Variants in ZNF608 observed in about 807,000 individuals in gnomAD.
ZNF608 encodes the protein zinc finger protein 608, also known as renal carcinoma antigen NY-REN-36.
A neutral mutation model predicts 109.0 loss-of-function variants in ZNF608; 12 were observed. That is an observed-to-expected ratio of 0.11 (90% CI 0.07 to 0.18). ZNF608 has a LOEUF of 0.18. Among genes scored for constraint, ZNF608 ranks in the 10% least tolerant of loss-of-function variants. The pLI, the probability that ZNF608 is intolerant of heterozygous loss-of-function variation, is 1.00. For synonymous variants in ZNF608, 732 were observed against 717.4 expected (o/e 1.02, Z -0.33); for missense variants, 1,707 against 1,879.3 (o/e 0.91, Z 1.70).
In ZNF608 at chr5:124,647,062, A is replaced by T; in HGVS notation, c.3322T>A (p.Tyr1108Asn). 1.2e-6 allele frequency: 2 copies of T among 1,613,802 alleles called. No homozygotes were observed. Among genetic ancestry groups the T allele is most frequent in the Non-Finnish European group, 1.7e-6 (2 of 1,179,918 alleles). Residue 1108 changes from tyrosine (Y) to asparagine (N), a missense_variant, in exon 5 of 10, where the codon TAC becomes AAC. Tyr to Asn is a moderately radical substitution (Grantham distance 143). Around this residue, in one of 7 missense-constraint regions of ZNF608, gnomAD observed 1,073 missense variants for 1,133.5 expected, o/e 0.95. Coordinates refer to ENST00000513986, the MANE Select transcript of ZNF608 (RefSeq NM_020747.3). ...TCTGCCAGCCTCTGGTCCTCATAGT[A>T]CTTCTCATACTGCTGTCTATAGGCA... ...SPAYRQQYEK[Y>N]YEDQRLAEQK...
chr5:124,698,367 C>A (rs1234019966), intron 3 of ZNF608, among the ~76,000 whole-genome samples: 1 of 152,248 alleles, frequency 6.6e-6, no homozygotes, highest in Non-Finnish European at 1.5e-5. Context: ...AAGATGAGTT[C>A]TTAAATTCTT....
chr5:124,661,634 G>C (rs1313795843), intron 3 of ZNF608, among the ~76,000 whole-genome samples: 1 of 152,190 alleles, frequency 6.6e-6, no homozygotes. Flanking sequence ...GCACTTACTG[G>C]AGCAAAGTCG....
At chr5:124,699,635 G>A (rs1226529969) in intron 3 of ZNF608, among the ~76,000 whole-genome samples, 2 of 151,886 alleles carry the variant, frequency 1.3e-5, no homozygotes, top group South Asian at 2.1e-4. Context: ...ATTTAACTAC[G>A]AAACATATCG....
intron 2 of ZNF608, among the ~76,000 whole-genome samples, chr5:124,741,707 A>C (rs1049712135): frequency 6.6e-6 from 1 of 152,212 alleles, no homozygotes; most frequent in Non-Finnish European, 1.5e-5. Context: ...AATTTGATGC[A>C]ACCACTAGTT....
intron 2 of ZNF608, among the ~76,000 whole-genome samples, chr5:124,708,969 C>G (rs1350568166): frequency 6.6e-6 from 1 of 151,992 alleles, no homozygotes; most frequent in Admixed American, 6.6e-5. Flanking sequence ...GTCAGGAGTT[C>G]AAGACCAGCC....
At chr5:124,664,456 A>T (rs1437534741) in intron 3 of ZNF608, among the ~76,000 whole-genome samples, 1 of 152,220 alleles carries the variant, frequency 6.6e-6, no homozygotes, top group African/African-American at 2.4e-5. Context: ...CATTTTTGTT[A>T]TTGTCCCCAG....
chr5:124,744,944 T>C lies in ZNF608; in HGVS notation c.46A>G (p.Thr16Ala), dbSNP rs1749583877. Residue 16 changes from threonine (T) to alanine (A), a missense_variant, in exon 2 of 10, where the codon ACA (threonine) becomes GCA (alanine). Physicochemically the swap from Thr to Ala is moderately conservative, Grantham distance 58. Transcript: ENST00000513986. The surrounding 1 kb of genome is among the most constrained non-coding windows in gnomAD (Gnocchi z 4.5). ...STAGKGVDPN[T>A]VDTYDSGDDW... is the part of the protein sequence containing the mutation. ...TCGCCACTGTCATAAGTATCAACTGTATTTGGATCCACACCTTTTCCTGCA... is the reference window on the plus strand; with the variant it reads ...TCGCCACTGTCATAAGTATCAACTGCATTTGGATCCACACCTTTTCCTGCA... 1 of 1,613,806 alleles carries C rather than the reference T, an allele frequency of 6.2e-7. No homozygotes were observed. The highest frequency in any genetic ancestry group is 2.2e-5 in the East Asian group (1 of 44,872).
chr5:124,745,246 G>T lies in ZNF608; in HGVS notation c.-183-74C>A. The T allele has an allele frequency of 3.9e-6, 5 of 1,294,794 alleles. No individual in the cohort carries two copies. The South Asian group carries it at 1.0e-4, about 27-fold the overall frequency. 80.2% of individuals were successfully genotyped at this position (1,294,794 alleles called of 1,614,324 possible). A position where few individuals can be genotyped will look rare whatever the true frequency, so the allele number is the denominator to read the frequency against. On this transcript the variant is annotated intron_variant, in intron 1 of 9. Transcript: ENST00000513986. ...AGAATAAAAAACGATTAGTATTGGG[G>T]AATCAGTAAAGGGGACAGGGAAGGA...
At chr5:124,697,527 G>T (rs1752899550) in intron 3 of ZNF608, among the ~76,000 whole-genome samples, 1 of 152,102 alleles carries the variant, frequency 6.6e-6, no homozygotes, top group African/African-American at 2.4e-5. Context: ...AAAGAAAAAA[G>T]ATCAGAGTAG....
intron 3 of ZNF608, among the ~76,000 whole-genome samples, chr5:124,668,206 A>ATATATATATTATATATATATATATTT (rs1561547645): frequency 2.2e-4 from 31 of 144,014 alleles, no homozygotes; most frequent in African/African-American, 7.7e-4. Flanking sequence ...ATATATATAT[A>ATATATATATTATATATATATATATTT]TATATATATA....
rs2149910374 is a variant in ZNF608, at chr5:124,745,288, T to C, written c.-183-116A>G. On this transcript the variant is annotated intron_variant, in intron 1 of 9. Transcript: ENST00000513986. ...AGGGAAGGATGGAGAGTAAGGTGGCTCATGTATTGTCCTCACAGTCCAATA... is the reference window on the plus strand; with the variant it reads ...AGGGAAGGATGGAGAGTAAGGTGGCCCATGTATTGTCCTCACAGTCCAATA... 5 of 897,798 alleles carry C rather than the reference T, an allele frequency of 5.6e-6. No individual in the cohort carries two copies. The Middle Eastern group carries it at 1.3e-3, about 230-fold the overall frequency. The allele number at this position is 897,798 out of a possible 1,614,324, so 55.6% of individuals were successfully genotyped here. A position where few individuals can be genotyped will look rare whatever the true frequency, so the allele number is the denominator to read the frequency against.
At position 124,648,110 on chromosome 5, in the gene ZNF608, T is replaced by C. The variant is rs763108938; in HGVS notation, c.2274A>G (p.Thr758=). 9 of 1,613,132 alleles carry C rather than the reference T, an allele frequency of 5.6e-6. No homozygotes were observed. Among genetic ancestry groups the C allele is most frequent in the Non-Finnish European group, 5.9e-6 (7 of 1,179,864 alleles). The change falls in exon 5 of 10, where the codon ACA becomes ACG. Residue 758 remains threonine, a synonymous_variant. Coordinates refer to ENST00000513986, the MANE Select transcript of ZNF608 (RefSeq NM_020747.3). ...QLIAIPTATF[T]TTTTGTIPGL... is the part of the protein sequence containing the mutation. ...CGGGTATTGTCCCAGTGGTGGTCGT[T>C]GTAAAGGTTGCAGTGGGTATAGCGA... is the stretch of plus-strand genomic sequence containing the variant.
chr5:124,734,681 T>C (rs1329041314), intron 2 of ZNF608: 1 of 152,230 alleles, frequency 6.6e-6, no homozygotes, highest in Non-Finnish European at 1.5e-5. Flanking sequence ...ACCCTTAGAT[T>C]TGTGCCAAGC....
chr5:124,663,620 T>C (rs1237666007), intron 3 of ZNF608, among the ~76,000 whole-genome samples: 1 of 152,210 alleles, frequency 6.6e-6, no homozygotes, highest in Non-Finnish European at 1.5e-5. Flanking sequence ...CTTTGACATT[T>C]AGCCAAAGTA....
At chr5:124,681,296 T>C (rs1175848654) in intron 3 of ZNF608, among the ~76,000 whole-genome samples, 1 of 151,690 alleles carries the variant, frequency 6.6e-6, no homozygotes, top group Non-Finnish European at 1.5e-5. Flanking sequence ...CTAATAAAAA[T>C]ACAAAAAAAA....
intron 3 of ZNF608, among the ~76,000 whole-genome samples, chr5:124,692,054 A>C (rs1288868301): frequency 1.3e-5 from 2 of 152,250 alleles, no homozygotes; most frequent in Non-Finnish European, 2.9e-5. Flanking sequence ...TAATTGAAAA[A>C]TAAAAACCGT....
At position 124,673,026 on chromosome 5, in the gene ZNF608, G is replaced by GA. The variant is rs1406450065; in HGVS notation, c.1163-23330dup. Among the ~76,000 whole-genome samples, 6 of 152,208 alleles carry GA rather than the reference G, an allele frequency of 3.9e-5. No homozygotes were observed. In the East Asian group the frequency reaches 1.2e-3, roughly 29 times the overall value. On this transcript the variant is annotated intron_variant, in intron 3 of 9. Coordinates refer to ENST00000513986, the MANE Select transcript of ZNF608 (RefSeq NM_020747.3). ...GTGGACTGGCTATTCTCAAACTGCA[G>GA]AAAAAACATAACCCGAAAGACTGGG...
At chr5:124,690,020 AC>A (rs1213443342) in intron 3 of ZNF608, among the ~76,000 whole-genome samples, 1 of 151,108 alleles carries the variant, frequency 6.6e-6, no homozygotes, top group African/African-American at 2.5e-5. Context: ...ATACATCCAG[AC>A]TCAATGAAAT....
intron 2 of ZNF608, among the ~76,000 whole-genome samples, chr5:124,711,466 T>C (rs1027016110): frequency 2.0e-5 from 3 of 152,254 alleles, no homozygotes; most frequent in Admixed American, 6.5e-5. Context: ...AGAGGGTAGA[T>C]GCTTGAAGAC....
Sources: gnomAD v4.1 joint callset for allele counts (sites outside exome capture counted in the v4.1 genomes callset) on GRCh38, gnomAD v4.1.1 for gene constraint, gnomAD v4.1.1 regional missense constraint, Gnocchi (gnomAD v3.1) non-coding constraint, MANE v1.5 for transcripts, NCBI Gene and HGNC (gene_info 2026-07-23, HGNC 2026-07-21) for gene names.